TENM3: variants seen among roughly 807,000 people sequenced by gnomAD.
TENM3 encodes teneurin transmembrane protein 3.
Under a neutral mutation model 255.1 loss-of-function variants are expected in TENM3, and 63 were observed. The ratio of observed to expected loss-of-function variants is 0.25; its 90% CI spans 0.20 to 0.30. The LOEUF is 0.30. Among genes scored for constraint, TENM3 ranks in the 10% least tolerant of loss-of-function variants. The pLI, the probability that TENM3 is intolerant of heterozygous loss-of-function variation, is 1.00. For synonymous variants in TENM3, 1,306 were observed against 1,322.3 expected (o/e 0.99, Z 0.27); for missense variants, 2,929 against 3,461.1 (o/e 0.85, Z 3.86).
the TENM3 span, among the ~76,000 whole-genome samples, chr4:181,830,266 T>G: frequency 5.3e-5 from 8 of 152,154 alleles, no homozygotes; most frequent in African/African-American, 1.2e-4. Context: ...TTTTTTGTTT[T>G]TTTGTTTGTT....
chr4:182,227,120 C>G (rs995453684), intron 1 of TENM3, among the ~76,000 whole-genome samples: 2 of 152,164 alleles, frequency 1.3e-5, no homozygotes, highest in East Asian at 3.9e-4. Flanking sequence ...AAGCAGTAGA[C>G]ACTCCTTTCC....
rs77320842 is a variant in TENM3, at chr4:182,292,746, G to A, written c.-75-31200G>A. Reference sequence around the variant, plus strand: ...TCTGCCCTTAAAGAACTTACAGTGGGCTCAATTGAGGATACAGATGAATAA... The same window carrying A: ...TCTGCCCTTAAAGAACTTACAGTGGACTCAATTGAGGATACAGATGAATAA... On this transcript the variant is annotated intron_variant, in intron 1 of 27. Coordinates refer to ENST00000511685, the MANE Select transcript of TENM3 (RefSeq NM_001080477.4). 9.1e-3 allele frequency among the ~76,000 whole-genome samples: 1,391 copies of A among 152,256 alleles called. 17 individuals are homozygous for A. The highest frequency in any genetic ancestry group is 0.032 in the African/African-American group (1,310 of 41,540).
chr4:181,886,312 G>A, the TENM3 span, among the ~76,000 whole-genome samples: 9 of 152,120 alleles, frequency 5.9e-5, no homozygotes, highest in East Asian at 1.6e-3. Flanking sequence ...CTCAGCCTCC[G>A]AAAGTGCTGG....
the TENM3 span, among the ~76,000 whole-genome samples, chr4:181,659,235 T>G: frequency 1.3e-5 from 2 of 152,242 alleles, no homozygotes; most frequent in Non-Finnish European, 2.9e-5. Flanking sequence ...CATGATTTTT[T>G]GTTGCTGTTG....
rs1430406080 is a variant in TENM3, at chr4:182,161,756, T to TATAC, written c.-76+17003_-76+17004insTACA. 7.6e-3 allele frequency among the ~76,000 whole-genome samples: 468 copies of TATAC among 61,640 alleles called. 161 individuals are homozygous for TATAC. The highest frequency in any genetic ancestry group is 0.018 in the African/African-American group (231 of 12,870). The allele number at this position is 61,640 out of a possible 152,430, so 40.4% of individuals were successfully genotyped here. On this transcript the variant is annotated intron_variant, in intron 1 of 2. Transcript: ENST00000512480. ...ATACACAAATATATGTGTATATATATACATATATATGTGTATATATATATA... is the reference window on the plus strand; with the variant it reads ...ATACACAAATATATGTGTATATATATATACACATATATATGTGTATATATATATA...
chr4:182,791,531 A>G (rs752579908), intron 25 of TENM3, among the ~76,000 whole-genome samples: 17 of 152,222 alleles, frequency 1.1e-4, no homozygotes, highest in Non-Finnish European at 2.2e-4. Flanking sequence ...CCAAAGCAGT[A>G]TGTAGTCCAG....
chr4:182,714,019 A>T, intron 12 of TENM3, 68 bp from the exon 13 acceptor site: 2 of 1,363,458 alleles, frequency 1.5e-6, no homozygotes, highest in Non-Finnish European at 2.1e-6. Context: ...AGTGTCCCTT[A>T]TCTGTTTATT....
At chr4:182,585,601 CCAGACCTTGATCT>C (rs1745940185) in intron 3 of TENM3, among the ~76,000 whole-genome samples, 1 of 152,190 alleles carries the variant, frequency 6.6e-6, no homozygotes, top group Non-Finnish European at 1.5e-5. Flanking sequence ...ACCGACCCTG[CCAGACCTTGATCT>C]GTGACTTCTG....
At chr4:182,158,059 A>G (rs903479179) in intron 1 of TENM3, among the ~76,000 whole-genome samples, 1 of 152,206 alleles carries the variant, frequency 6.6e-6, no homozygotes, top group African/African-American at 2.4e-5. Flanking sequence ...ATGATAAACA[A>G]TGTTGACATA....
intron 1 of TENM3, among the ~76,000 whole-genome samples, chr4:182,288,084 T>G (rs553544018): frequency 6.6e-6 from 1 of 151,962 alleles, no homozygotes; most frequent in Non-Finnish European, 1.5e-5. Context: ...ATTACAGGCG[T>G]GCACCACCAC....
the TENM3 span, among the ~76,000 whole-genome samples, chr4:182,094,115 C>T: frequency 3.9e-5 from 6 of 151,966 alleles, no homozygotes; most frequent in Admixed American, 3.3e-4. Flanking sequence ...ATGAAGTCAC[C>T]GACAGTAAGA....
chr4:182,212,538 T>C (rs901696534), intron 1 of TENM3, among the ~76,000 whole-genome samples: 5 of 151,872 alleles, frequency 3.3e-5, no homozygotes, highest in African/African-American at 1.2e-4. Context: ...AAAAAATTTA[T>C]GTCAAGTGAG....
chr4:181,504,159 T>C, the TENM3 span, among the ~76,000 whole-genome samples: 2 of 152,116 alleles, frequency 1.3e-5, no homozygotes, highest in East Asian at 1.9e-4. Context: ...CATGGTCAAG[T>C]GCAGGGAAAC....
chr4:182,761,283 G>A (rs986365330), intron 22 of TENM3, among the ~76,000 whole-genome samples: 1 of 152,096 alleles, frequency 6.6e-6, no homozygotes. Context: ...GCCGGGCGTG[G>A]TGGCACTCAC....
chr4:182,708,320 G>A (rs960611295), intron 12 of TENM3, among the ~76,000 whole-genome samples: 2 of 152,118 alleles, frequency 1.3e-5, no homozygotes, highest in Non-Finnish European at 2.9e-5. Flanking sequence ...TCAGAGCTAC[G>A]AGATAGAGGC....
the TENM3 span, among the ~76,000 whole-genome samples, chr4:181,945,300 A>G: frequency 7.1e-3 from 1,082 of 152,224 alleles, 17 homozygotes; most frequent in African/African-American, 0.025. Context: ...GAGAATCATC[A>G]GAAGAGGCGA....
chr4:181,495,242 G>A, the TENM3 span, among the ~76,000 whole-genome samples: 1 of 152,162 alleles, frequency 6.6e-6, no homozygotes, highest in Admixed American at 6.5e-5. Flanking sequence ...CCAGGAGTAA[G>A]TTAAGTCTGG....
intron 2 of TENM3, among the ~76,000 whole-genome samples, chr4:182,331,314 G>A (rs1763741795): frequency 6.6e-6 from 1 of 152,144 alleles, no homozygotes; most frequent in African/African-American, 2.4e-5. Flanking sequence ...GGGAGGCCGA[G>A]GTGGATGGAT....
At chr4:181,736,893 G>A in the TENM3 span, among the ~76,000 whole-genome samples, 1 of 142,688 alleles carries the variant, frequency 7.0e-6, no homozygotes, top group Non-Finnish European at 1.6e-5. Context: ...TCCTGAAGCC[G>A]CCATCTTGGC....
Sources: gnomAD v4.1 joint callset for allele counts (sites outside exome capture counted in the v4.1 genomes callset) on GRCh38, gnomAD v4.1.1 for gene constraint, MANE v1.5 for transcripts, NCBI Gene and HGNC (gene_info 2026-07-23, HGNC 2026-07-21) for gene names.